The following MYO5B variants were observed in gnomAD, a reference collection of about 807,000 sequenced individuals.
The protein encoded by MYO5B is myosin VB.
A neutral mutation model predicts 229.3 loss-of-function variants in MYO5B; 143 were observed. That is an observed-to-expected ratio of 0.62 (90% CI 0.54 to 0.72). The LOEUF (loss-of-function observed/expected upper bound fraction) is 0.72. Among genes scored for constraint, MYO5B ranks in the 30% least tolerant of loss-of-function variants. MYO5B has a pLI of 0.00. For missense variants in MYO5B, 2,321 were observed against 2,331.0 expected (o/e 1.00, Z 0.09); for synonymous variants, 918 against 885.2 (o/e 1.04, Z -0.66).
At chr18:50,035,785 T>C (rs2144381961) in intron 4 of MYO5B, among the ~76,000 whole-genome samples, 1 of 152,354 alleles carries the variant, frequency 6.6e-6, no homozygotes, top group Non-Finnish European at 1.5e-5. Context: ...TAGTTACAGA[T>C]CATTCTGTTT....
intron 10 of MYO5B, among the ~76,000 whole-genome samples, chr18:49,965,455 T>TCACACA (rs57101973): frequency 0.27 from 39,485 of 146,968 alleles, 5,543 homozygotes; most frequent in East Asian, 0.38. Flanking sequence ...ACACTTCTTT[T>TCACACA]CACACACACA....
At chr18:50,003,036 T>C (rs1481501072) in intron 4 of MYO5B, among the ~76,000 whole-genome samples, 3 of 152,128 alleles carry the variant, frequency 2.0e-5, no homozygotes, top group Middle Eastern at 3.4e-3. Flanking sequence ...GGTGAGATGA[T>C]ACAAGGGAAT....
At chr18:49,944,653 G>A (rs1409704736) in intron 14 of MYO5B, among the ~76,000 whole-genome samples, 3 of 151,798 alleles carry the variant, frequency 2.0e-5, no homozygotes, top group Non-Finnish European at 4.4e-5. Flanking sequence ...CTGACCAGAT[G>A]ATTCCTTTAA....
rs1261312781 is a variant in MYO5B at position 49,853,488 on chromosome 18, G to A, written c.4182C>T (p.Gly1394=). ...TCAGCCGGGATATTTCCTGCTGAAC[G>A]CCGAATTCCACCTGGGCCTCTGGGG... ...LLSPEAQVEF[G]VQQEISRLTN... Residue 1394 remains glycine, a synonymous_variant, in exon 31 of 40, where the codon GGC becomes GGT. Coordinates refer to ENST00000285039, the MANE Select transcript of MYO5B (RefSeq NM_001080467.3). 8.7e-6 allele frequency: 14 copies of A among 1,613,998 alleles called. No homozygotes were observed. The highest frequency in any genetic ancestry group is 6.7e-5 in the African/African-American group (5 of 74,916).
intron 29 of MYO5B, among the ~76,000 whole-genome samples, chr18:49,860,951 G>T (rs764747685): frequency 2.0e-5 from 3 of 152,294 alleles, no homozygotes; most frequent in Non-Finnish European, 4.4e-5. Flanking sequence ...AATCCCAGTT[G>T]GGTCCCTGTT....
At chr18:50,134,886 C>G (rs1040208680) in intron 1 of MYO5B, among the ~76,000 whole-genome samples, 1 of 152,204 alleles carries the variant, frequency 6.6e-6, no homozygotes, top group Non-Finnish European at 1.5e-5. Flanking sequence ...TAATCAATGC[C>G]TACAGACACT....
chr18:50,140,381 C>A (rs567724990), intron 1 of MYO5B, among the ~76,000 whole-genome samples: 11 of 152,344 alleles, frequency 7.2e-5, no homozygotes. Context: ...TAAAGCAATG[C>A]CTCAGTGCAC....
intron 1 of MYO5B, among the ~76,000 whole-genome samples, chr18:50,093,419 T>A (rs1004965559): frequency 6.6e-6 from 1 of 152,194 alleles, no homozygotes; most frequent in Non-Finnish European, 1.5e-5. Flanking sequence ...GGATGTTAAC[T>A]GTAGTGTTGT....
intron 2 of MYO5B, among the ~76,000 whole-genome samples, chr18:50,040,685 C>T (rs2029986642): frequency 6.6e-6 from 1 of 152,130 alleles, no homozygotes; most frequent in Non-Finnish European, 1.5e-5. Context: ...ATACACTCTC[C>T]CCCATTAACC....
intron 10 of MYO5B, among the ~76,000 whole-genome samples, chr18:49,968,409 T>C (rs1034458925): frequency 2.6e-4 from 39 of 152,392 alleles, no homozygotes; most frequent in South Asian, 1.0e-3. Context: ...TACATGTAAG[T>C]GTGCATTCAT....
At chr18:49,930,850 C>T (rs2025181919) in intron 16 of MYO5B, among the ~76,000 whole-genome samples, 1 of 150,816 alleles carries the variant, frequency 6.6e-6, no homozygotes, top group Non-Finnish European at 1.5e-5. Flanking sequence ...TGAGATCGTG[C>T]CACTGCACTG....
Position 50,036,885 on chromosome 18 carries a change from A to C in MYO5B, c.420T>G (p.Phe140Leu). 1 of 1,614,134 alleles carries C rather than the reference A, an allele frequency of 6.2e-7. No homozygotes were observed. The highest frequency in any genetic ancestry group is 8.5e-7 in the Non-Finnish European group (1 of 1,180,020). The change falls in exon 4 of 40, where the codon TTT becomes TTG. Residue 140 changes from phenylalanine (F) to leucine (L), a missense_variant. Phe to Leu is a conservative substitution (Grantham distance 22). Coordinates refer to ENST00000285039, the MANE Select transcript of MYO5B (RefSeq NM_001080467.3). ...GCTTGTAGGCTTCTTCTGCCACAGC[A>C]AAGATGTGGGGGTCCATGTCTCCCA... Reference protein sequence around the residue: ...QNMGDMDPHIFAVAEEAYKQM... With the variant: ...QNMGDMDPHILAVAEEAYKQM...
At chr18:50,061,548 G>C (rs764945068) in intron 1 of MYO5B, among the ~76,000 whole-genome samples, 11 of 152,098 alleles carry the variant, frequency 7.2e-5, no homozygotes, top group Non-Finnish European at 1.3e-4. Flanking sequence ...CCTACTTCTA[G>C]CCTACTTCTA....
At chr18:50,003,321 T>G (rs1361569633) in intron 4 of MYO5B, among the ~76,000 whole-genome samples, 2 of 152,228 alleles carry the variant, frequency 1.3e-5, no homozygotes, top group Non-Finnish European at 2.9e-5. Flanking sequence ...TGTTGAATCC[T>G]ACCCAGTATT....
intron 1 of MYO5B, among the ~76,000 whole-genome samples, chr18:50,159,048 G>A (rs1009195559): frequency 6.6e-6 from 1 of 152,154 alleles, no homozygotes; most frequent in Non-Finnish European, 1.5e-5. Context: ...TAACAACCAT[G>A]AGAGACAAAG....
intron 1 of MYO5B, among the ~76,000 whole-genome samples, chr18:50,124,469 T>A (rs1451554303): frequency 6.6e-6 from 1 of 152,188 alleles, no homozygotes; most frequent in Non-Finnish European, 1.5e-5. Context: ...TGCTCTTCTA[T>A]TAAATGGATT....
intron 10 of MYO5B, among the ~76,000 whole-genome samples, chr18:49,965,509 T>G (rs2025614977): frequency 6.6e-6 from 1 of 150,556 alleles, no homozygotes; most frequent in Non-Finnish European, 1.5e-5. Context: ...TACTGCCCAA[T>G]GCACCAAATG....
At chr18:49,917,148 A>C (rs115637546) in intron 17 of MYO5B, among the ~76,000 whole-genome samples, 2,347 of 152,196 alleles carry the variant, frequency 0.015, 53 homozygotes, top group African/African-American at 0.054. Flanking sequence ...CGTGTTGTGG[A>C]TATGTTCATG....
intron 1 of MYO5B, among the ~76,000 whole-genome samples, chr18:50,167,531 G>A (rs1469417212): frequency 2.0e-5 from 3 of 152,152 alleles, no homozygotes; most frequent in Non-Finnish European, 2.9e-5. Context: ...TTTATAAACA[G>A]ATGAAAAATA....
Sources: gnomAD v4.1 joint callset for allele counts (sites outside exome capture counted in the v4.1 genomes callset) on GRCh38, gnomAD v4.1.1 for gene constraint, MANE v1.5 for transcripts, NCBI Gene and HGNC (gene_info 2026-07-23, HGNC 2026-07-21) for gene names.